The following MAGEE1 variants were observed in gnomAD, a reference collection of about 807,000 sequenced individuals.
The protein encoded by MAGEE1 is MAGE family member E1, also known as melanoma-associated antigen E1.
MAGEE1 carries 3 observed loss-of-function variants against 12.0 expected under a neutral mutation model. The ratio of observed to expected loss-of-function variants is 0.25; its 90% CI spans 0.11 to 0.65. The LOEUF is 0.65. Ranked by LOEUF, MAGEE1 falls within the 30% of genes least tolerant of loss-of-function variation. The pLI is 0.84. For synonymous variants in MAGEE1, 414 were observed against 326.1 expected (o/e 1.27, Z -2.91); for missense variants, 729 against 772.2 (o/e 0.94, Z 0.66).
In MAGEE1 at chrX:76,429,098, A is replaced by G; in HGVS notation, c.1168A>G (p.Thr390Ala). Residue 390 changes from threonine (T) to alanine (A), a missense_variant, in exon 1 of 1, where the codon ACC becomes GCC. By Grantham distance (58) the Thr-to-Ala change is moderately conservative. Around this residue, in one of 4 missense-constraint regions of MAGEE1, gnomAD observed 473 missense variants for 423.7 expected, o/e 1.12. Coordinates refer to ENST00000361470, the MANE Select transcript of MAGEE1 (RefSeq NM_020932.3). ...GCCCACTCCTGGTGAGGGCGCAAGC[A>G]CCTTAGTGCAGCCCACCGCCCCTGA... ...VPPTPGEGAS[T>A]LVQPTAPDGP... 1 of 1,211,230 alleles carries G rather than the reference A, an allele frequency of 8.3e-7. No homozygotes were observed.
At position 76,427,868 on chromosome X, in the gene MAGEE1, T is replaced by G; in HGVS notation, c.-63T>G. The stretch of plus-strand genomic sequence containing the variant: ...CGAGGCACCTACACACCTCCCGTCC[T>G]CTCTGCCAGATCGCGGGCCTGTCGG... On this transcript the variant is annotated 5_prime_UTR_variant, in exon 1 of 1. Coordinates refer to ENST00000361470, the MANE Select transcript of MAGEE1 (RefSeq NM_020932.3). 1 of 1,126,332 alleles carries G rather than the reference T, an allele frequency of 8.9e-7. No individual in the cohort carries two copies. Among genetic ancestry groups the G allele is most frequent in the Admixed American group, 2.7e-5 (1 of 36,830 alleles). The allele number at this position is 1,126,332 out of a possible 1,213,427, so 92.8% of individuals were successfully genotyped here.
Position 76,431,096 on chromosome X carries a change from TAGAAA to T in MAGEE1, c.*297_*301del. The T allele has an allele frequency of 7.1e-6, 2 of 283,418 alleles. No individual in the cohort carries two copies. The highest frequency in any genetic ancestry group is 1.3e-5 in the Non-Finnish European group (2 of 155,099). 23.4% of individuals were successfully genotyped at this position (283,418 alleles called of 1,213,427 possible). A position where few individuals can be genotyped will look rare whatever the true frequency, so the allele number is the denominator to read the frequency against. On this transcript the variant is annotated 3_prime_UTR_variant, in exon 1 of 1. Transcript: ENST00000361470. ...AATCTTTCCATCTTGTTGCATTATC[TAGAAA>T]AGAATATAGCATATAGCTATAGATA...
chrX:76,427,968 G>A lies in MAGEE1; in HGVS notation c.38G>A (p.Arg13His), dbSNP rs782627705. Residue 13 changes from arginine to histidine, a missense_variant, in exon 1 of 1, where the codon CGC becomes CAC. This residue lies in a region of MAGEE1 where 473 missense variants were observed against 423.7 expected (regional missense o/e 1.12). Coordinates refer to ENST00000361470, the MANE Select transcript of MAGEE1 (RefSeq NM_020932.3). ...AGCCAGAATTCGCGCCGCCGCCGCC[G>A]CCGCGTTGCAAAGGCTACTGCGCAC... is the stretch of plus-strand genomic sequence containing the variant. ...LVSQNSRRRR[R>H]RVAKATAHNS... 1.7e-6 allele frequency: 2 copies of A among 1,202,359 alleles called. No individual in the cohort carries two copies. Among genetic ancestry groups the A allele is most frequent in the African/African-American group, 1.7e-5 (1 of 57,242 alleles).
chrX:76,428,072 G>C lies in MAGEE1; in HGVS notation c.142G>C (p.Gly48Arg). 1 of 1,180,120 alleles carries C rather than the reference G, an allele frequency of 8.5e-7. No individual in the cohort carries two copies. The highest frequency in any genetic ancestry group is 3.1e-5 in the East Asian group (1 of 31,779). The change falls in exon 1 of 1, where the codon GGT becomes CGT. Residue 48 changes from glycine to arginine, a missense_variant. Coordinates refer to ENST00000361470, the MANE Select transcript of MAGEE1 (RefSeq NM_020932.3). Reference sequence around the variant, plus strand: ...TGTGCCAGGCTCAGACGTCCCCCAGGGTCCCAGCGATTCCCAGATCCTCCA... The same window carrying C: ...TGTGCCAGGCTCAGACGTCCCCCAGCGTCCCAGCGATTCCCAGATCCTCCA... ...ADVPGSDVPQ[G>R]PSDSQILQGL... is the part of the protein sequence containing the mutation.
In MAGEE1 at chrX:76,428,517, C is replaced by A. The variant is rs1556839312; in HGVS notation, c.587C>A (p.Pro196Gln). The stretch of plus-strand genomic sequence containing the variant: ...GTGGTGCCCACCCCTGATGAGGGAC[C>A]AAGCACCTCCGTGCTGCCTACACCT... Reference protein sequence around the residue: ...TSVVPTPDEGPSTSVLPTPGE... With the variant: ...TSVVPTPDEGQSTSVLPTPGE... Residue 196 changes from proline to glutamine, a missense_variant, in exon 1 of 1, where the codon CCA becomes CAA. Coordinates refer to ENST00000361470, the MANE Select transcript of MAGEE1 (RefSeq NM_020932.3). The A allele has an allele frequency of 1.7e-6, 2 of 1,208,273 alleles. No homozygotes were observed. The highest frequency in any genetic ancestry group is 2.2e-5 in the Admixed American group (1 of 45,854).
At position 76,429,119 on chromosome X, in the gene MAGEE1, C is replaced by G. The variant is rs1440476167; in HGVS notation, c.1189C>G (p.Pro397Ala). ...GASTLVQPTA[P>A]DGPGSSVLPN... ...AAGCACCTTAGTGCAGCCCACCGCC[C>G]CTGACGGACCGGGAAGCTCCGTGCT... is the stretch of plus-strand genomic sequence containing the variant. The change falls in exon 1 of 1, where the codon CCT becomes GCT. Residue 397 changes from proline (P) to alanine (A), a missense_variant. Physicochemically the swap from Pro to Ala is conservative, Grantham distance 27. This residue lies in a region of MAGEE1 where 473 missense variants were observed against 423.7 expected (regional missense o/e 1.12). Coordinates refer to ENST00000361470, the MANE Select transcript of MAGEE1 (RefSeq NM_020932.3). 5.0e-6 allele frequency: 6 copies of G among 1,210,132 alleles called. No homozygotes were observed. Among genetic ancestry groups the G allele is most frequent in the Non-Finnish European group, 6.7e-6 (6 of 894,856 alleles).
Position 76,431,013 on chromosome X carries a change from C to T in MAGEE1, c.*209C>T, listed in dbSNP as rs1264387846. 31 of 373,220 alleles carry T rather than the reference C, an allele frequency of 8.3e-5. No homozygotes were observed. Among genetic ancestry groups the T allele is most frequent in the Non-Finnish European group, 1.3e-4 (28 of 211,778 alleles). 30.8% of individuals were successfully genotyped at this position (373,220 alleles called of 1,213,427 possible). On this transcript the variant is annotated 3_prime_UTR_variant, in exon 1 of 1. Coordinates refer to ENST00000361470, the MANE Select transcript of MAGEE1 (RefSeq NM_020932.3). ...CTGATTGGGTAAATGTGATTGACCA[C>T]TTGCTGTCTCTGTTGTATTTTGGTA...
At position 76,428,756 on chromosome X, in the gene MAGEE1, G is replaced by A. The variant is rs1401851458; in HGVS notation, c.826G>A (p.Ala276Thr). Residue 276 changes from alanine to threonine, a missense_variant, in exon 1 of 1, where the codon GCC becomes ACC. By Grantham distance (58) the Ala-to-Thr change is moderately conservative. Transcript: ENST00000361470. ...EGPSTSVLPA[A>T]SDGQSISLVP... Reference sequence around the variant, plus strand: ...ACCGAGCACCTCCGTGCTGCCCGCCGCCTCTGACGGACAAAGCATCTCCTT... The same window carrying A: ...ACCGAGCACCTCCGTGCTGCCCGCCACCTCTGACGGACAAAGCATCTCCTT... 5.0e-6 allele frequency: 6 copies of A among 1,205,536 alleles called. No homozygotes were observed. The highest frequency in any genetic ancestry group is 6.7e-6 in the Non-Finnish European group (6 of 893,944).
chrX:76,428,379 C>A lies in MAGEE1; in HGVS notation c.449C>A (p.Thr150Asn). 4.1e-6 allele frequency: 5 copies of A among 1,211,909 alleles called. No individual in the cohort carries two copies. Among genetic ancestry groups the A allele is most frequent in the Non-Finnish European group, 5.6e-6 (5 of 895,515 alleles). ...RPPTSSEEPS[T>N]SVPPTASEVP... Reference sequence around the variant, plus strand: ...CCCACTTCCTCTGAGGAACCTAGCACCTCCGTGCCGCCCACCGCCTCTGAG... The same window carrying A: ...CCCACTTCCTCTGAGGAACCTAGCAACTCCGTGCCGCCCACCGCCTCTGAG... The change falls in exon 1 of 1, where the codon ACC becomes AAC. Residue 150 changes from threonine (T) to asparagine (N), a missense_variant. Transcript: ENST00000361470.
At position 76,428,557 on chromosome X, in the gene MAGEE1, C is replaced by A. The variant is rs782384007; in HGVS notation, c.627C>A (p.Gly209=). Residue 209 remains glycine (G), a synonymous_variant, in exon 1 of 1, where the codon GGC becomes GGA. Coordinates refer to ENST00000361470, the MANE Select transcript of MAGEE1 (RefSeq NM_020932.3). ...TGCCTACACCTGGTGAGGGACCAGG[C>A]ACCTCCGTGCCGCTCGCCGCCACTG... ...SVLPTPGEGP[G]TSVPLAATEG... is the part of the protein sequence containing the mutation. 2.3e-5 allele frequency: 28 copies of A among 1,207,458 alleles called. No homozygotes were observed. The highest frequency in any genetic ancestry group is 2.3e-4 in the Middle Eastern group (1 of 4,375).
In MAGEE1 at chrX:76,428,762, G is replaced by A; in HGVS notation, c.832G>A (p.Asp278Asn). The part of the protein sequence containing the change: ...PSTSVLPAAS[D>N]GQSISLVPTR... ...CACCTCCGTGCTGCCCGCCGCCTCT[G>A]ACGGACAAAGCATCTCCTTGGTGCC... Residue 278 changes from aspartate to asparagine, a missense_variant, in exon 1 of 1, where the codon GAC becomes AAC. By Grantham distance (23) the Asp-to-Asn change is conservative. Transcript: ENST00000361470. 2.5e-6 allele frequency: 3 copies of A among 1,210,734 alleles called. 1 individual carries two copies. Among genetic ancestry groups the A allele is most frequent in the South Asian group, 3.5e-5 (2 of 56,980 alleles).
Position 76,428,792 on chromosome X carries a change from C to A in MAGEE1, c.862C>A (p.Arg288Ser). ...DGQSISLVPTRGKGSSTSVPP... is the reference protein window; with the variant it reads ...DGQSISLVPTSGKGSSTSVPP... ...ACAAAGCATCTCCTTGGTGCCCACC[C>A]GCGGTAAGGGATCAAGCACCTCCGT... is the stretch of plus-strand genomic sequence containing the variant. The change falls in exon 1 of 1, where the codon CGC (arginine) becomes AGC (serine). Residue 288 changes from arginine (R) to serine (S), a missense_variant. By Grantham distance (110) the Arg-to-Ser change is moderately radical. This residue lies in a region of MAGEE1 where 473 missense variants were observed against 423.7 expected (regional missense o/e 1.12). Coordinates refer to ENST00000361470, the MANE Select transcript of MAGEE1 (RefSeq NM_020932.3). 2 of 1,208,382 alleles carry A rather than the reference C, an allele frequency of 1.7e-6. No individual in the cohort carries two copies. The highest frequency in any genetic ancestry group is 2.2e-6 in the Non-Finnish European group (2 of 894,375).
Position 76,429,694 on chromosome X carries a change from A to G in MAGEE1, c.1764A>G (p.Leu588=), listed in dbSNP as rs1923335758. Residue 588 remains leucine, a synonymous_variant, in exon 1 of 1, where the codon CTA becomes CTG. Transcript: ENST00000361470. ...GPKMGLLMMI[L]GQIFLNGNQA... ...AGATGGGCCTCCTGATGATGATTCT[A>G]GGCCAAATATTCCTGAATGGCAACC... is the stretch of plus-strand genomic sequence containing the variant. 8.3e-6 allele frequency: 10 copies of G among 1,210,957 alleles called. No homozygotes were observed. Among genetic ancestry groups the G allele is most frequent in the Non-Finnish European group, 1.1e-5 (10 of 895,170 alleles).
rs782358722 is a variant in MAGEE1 at position 76,428,142 on chromosome X, C to T, written c.212C>T (p.Thr71Ile). ...SEGPSTSVLP[T>I]SAEGPSTFVP... is the part of the protein sequence containing the mutation. ...GGCCCAAGCACCTCCGTTCTGCCCA[C>T]CTCCGCTGAGGGCCCAAGCACCTTT... Residue 71 changes from threonine (T) to isoleucine (I), a missense_variant, in exon 1 of 1, where the codon ACC (threonine) becomes ATC (isoleucine). Transcript: ENST00000361470. 19 of 1,201,044 alleles carry T rather than the reference C, an allele frequency of 1.6e-5. No individual in the cohort carries two copies. Among genetic ancestry groups the T allele is most frequent in the South Asian group, 1.1e-4 (6 of 55,514 alleles).
At position 76,429,482 on chromosome X, in the gene MAGEE1, C is replaced by A. The variant is rs781789496; in HGVS notation, c.1552C>A (p.Arg518=). ...GTACCCTATCCGGGAGTCTGAAATG[C>A]GGGAATATATTGTTAAAGAATATCG... The part of the protein sequence containing the change: ...SKYPIRESEM[R]EYIVKEYRNQ... The change falls in exon 1 of 1, where the codon CGG becomes AGG. Residue 518 remains arginine, a synonymous_variant. Coordinates refer to ENST00000361470, the MANE Select transcript of MAGEE1 (RefSeq NM_020932.3). The A allele has an allele frequency of 5.8e-6, 7 of 1,209,586 alleles. No individual in the cohort carries two copies. The highest frequency in any genetic ancestry group is 6.7e-6 in the Non-Finnish European group (6 of 895,170).
chrX:76,431,284 A>G lies in MAGEE1; in HGVS notation c.*480A>G. 7.8e-6 allele frequency: 1 copy of G among 127,439 alleles called. No homozygotes were observed. 10.5% of individuals were successfully genotyped at this position (127,439 alleles called of 1,213,427 possible). A position where few individuals can be genotyped will look rare whatever the true frequency, so the allele number is the denominator to read the frequency against. On this transcript the variant is annotated 3_prime_UTR_variant, in exon 1 of 1. Transcript: ENST00000361470. ...TATTGTATGAAGAATACTGATGTTT[A>G]CCTGTATTTGCTTTGCTGTACTAAA...
chrX:76,428,359 T>C lies in MAGEE1; in HGVS notation c.429T>C (p.Thr143=), dbSNP rs782500230. ...SEGRNTSRPP[T]SSEEPSTSVP... ...GCCGGAACACCTCCAGGCCGCCCACTTCCTCTGAGGAACCTAGCACCTCCG... is the reference window on the plus strand; with the variant it reads ...GCCGGAACACCTCCAGGCCGCCCACCTCCTCTGAGGAACCTAGCACCTCCG... Residue 143 remains threonine, a synonymous_variant, in exon 1 of 1, where the codon ACT becomes ACC. Coordinates refer to ENST00000361470, the MANE Select transcript of MAGEE1 (RefSeq NM_020932.3). 1 of 1,205,264 alleles carries C rather than the reference T, an allele frequency of 8.3e-7. No individual in the cohort carries two copies. The highest frequency in any genetic ancestry group is 1.8e-5 in the African/African-American group (1 of 55,664).
At position 76,427,869 on chromosome X, in the gene MAGEE1, C is replaced by T. The variant is rs1256916948; in HGVS notation, c.-62C>T. On this transcript the variant is annotated 5_prime_UTR_variant, in exon 1 of 1. Transcript: ENST00000361470. ...GAGGCACCTACACACCTCCCGTCCT[C>T]TCTGCCAGATCGCGGGCCTGTCGGT... is the stretch of plus-strand genomic sequence containing the variant. 6.2e-6 allele frequency: 7 copies of T among 1,128,659 alleles called. No individual in the cohort carries two copies. The highest frequency in any genetic ancestry group is 5.4e-5 in the African/African-American group (3 of 55,075). The allele number at this position is 1,128,659 out of a possible 1,213,427, so 93.0% of individuals were successfully genotyped here. A position where few individuals can be genotyped will look rare whatever the true frequency, so the allele number is the denominator to read the frequency against.
In MAGEE1 at chrX:76,428,173, G is replaced by T. The variant is rs782113948; in HGVS notation, c.243G>T (p.Pro81=). Residue 81 remains proline, a synonymous_variant, in exon 1 of 1, where the codon CCG becomes CCT. Coordinates refer to ENST00000361470, the MANE Select transcript of MAGEE1 (RefSeq NM_020932.3). ...TSAEGPSTFV[P]PTISEASSAS... Reference sequence around the variant, plus strand: ...CTGAGGGCCCAAGCACCTTTGTGCCGCCCACCATCTCTGAGGCCTCAAGCG... The same window carrying T: ...CTGAGGGCCCAAGCACCTTTGTGCCTCCCACCATCTCTGAGGCCTCAAGCG... 6.6e-6 allele frequency: 8 copies of T among 1,206,402 alleles called. No individual in the cohort carries two copies. In the South Asian group the frequency reaches 1.2e-4, roughly 19 times the overall value.
Sources: gnomAD v4.1 joint callset for allele counts on GRCh38, gnomAD v4.1.1 for gene constraint, gnomAD v4.1.1 regional missense constraint, MANE v1.5 for transcripts, NCBI Gene and HGNC (gene_info 2026-07-23, HGNC 2026-07-21) for gene names.